The following INTS6 variants were observed in gnomAD, a reference collection of about 807,000 sequenced individuals.
INTS6 encodes integrator complex subunit 6.
INTS6 carries 16 observed loss-of-function variants against 104.9 expected under a neutral mutation model. The ratio of observed to expected loss-of-function variants is 0.15; its 90% CI spans 0.10 to 0.23. The LOEUF is 0.23. Ranked by LOEUF, INTS6 falls within the 10% of genes least tolerant of loss-of-function variation. The probability of loss-of-function intolerance (pLI) is 1.00; values close to 1 mark genes in which losing one functional copy is unlikely to be tolerated. For missense variants in INTS6, 584 were observed against 1,062.8 expected, an observed-to-expected ratio of 0.55 and a Z score of 6.26; for synonymous variants, 324 against 358.7, an observed-to-expected ratio of 0.90 and a Z score of 1.09.
chr13:51,374,917 A>G, intron 13 of INTS6, 121 bp from the exon 14 acceptor site: 4 of 1,012,142 alleles, frequency 4.0e-6, no homozygotes, highest in Non-Finnish European at 4.2e-6. Context: ...AACATATTCT[A>G]AATTTGTTTG....
intron 8 of INTS6, 55 bp downstream of exon 8, chr13:51,383,534 T>G (rs1272647430): frequency 3.1e-6 from 5 of 1,604,034 alleles, no homozygotes; most frequent in Non-Finnish European, 4.3e-6. Context: ...TCAATTCAGC[T>G]TTTTAAGAAA....
chr13:51,422,159 G>A (rs1047253193), intron 4 of INTS6, among the ~76,000 whole-genome samples: 10 of 152,066 alleles, frequency 6.6e-5, no homozygotes, highest in African/African-American at 1.9e-4. Context: ...ATCCTTACAC[G>A]AAAGGTAATG....
chr13:51,353,483 A>C (rs1264599683), downstream of INTS6, among the ~76,000 whole-genome samples: 1 of 152,226 alleles, frequency 6.6e-6, no homozygotes, highest in Non-Finnish European at 1.5e-5. Context: ...CCACGGAGGT[A>C]AAGTAACTAG....
At chr13:51,422,888 G>C in intron 4 of INTS6, 1 of 339,004 alleles carries the variant, frequency 2.9e-6, no homozygotes, top group Non-Finnish European at 5.5e-6. Context: ...TTTGCATACT[G>C]TTTTCTCTTC....
At chr13:51,451,534 A>C (rs1368478416) in intron 2 of INTS6, 5 of 158,914 alleles carry the variant, frequency 3.1e-5, no homozygotes, top group Non-Finnish European at 4.1e-5. Context: ...GACGAATCTG[A>C]CAAGACCAAT....
intron 8 of INTS6, 44 bp from the exon 9 acceptor site, chr13:51,383,505 T>C: frequency 6.2e-7 from 1 of 1,606,224 alleles, no homozygotes; most frequent in Non-Finnish European, 8.5e-7. Flanking sequence ...CTTTAAAGAA[T>C]GTTACATAAA....
chr13:51,450,151 G>C (rs894484387), intron 3 of INTS6: 4 of 984,748 alleles, frequency 4.1e-6, no homozygotes, highest in Non-Finnish European at 4.8e-6. Context: ...TATATAATTA[G>C]GAATAGTGCT....
chr13:51,418,634 T>C (rs534552000), intron 4 of INTS6, among the ~76,000 whole-genome samples: 158 of 152,336 alleles, frequency 1.0e-3, no homozygotes, highest in Non-Finnish European at 1.9e-3. Context: ...TCCTTAGGAA[T>C]ATCCAATGTA....
At chr13:51,344,363 T>TTA in the INTS6 span, 1 of 1,613,594 alleles carries the variant, frequency 6.2e-7, no homozygotes, top group Non-Finnish European at 8.5e-7. Flanking sequence ...GGAACGCCAC[T>TTA]GTCCCCCTGC....
At chr13:51,384,785 C>T (rs977113279) in intron 7 of INTS6, 1 of 437,606 alleles carries the variant, frequency 2.3e-6, no homozygotes, top group Non-Finnish European at 4.6e-6. Context: ...CTAGTTGCTG[C>T]CTTCTGTCAA....
chr13:51,340,554 AG>A, the INTS6 span, among the ~76,000 whole-genome samples: 1 of 152,220 alleles, frequency 6.6e-6, no homozygotes, highest in Non-Finnish European at 1.5e-5. Flanking sequence ...TGGGCCTCAA[AG>A]GTTCAATCAT....
In INTS6 at chr13:51,361,942, C is replaced by T. The variant is rs973737230; in HGVS notation, c.*3810G>A. On this transcript the variant is annotated 3_prime_UTR_variant, in exon 18 of 18. Transcript: ENST00000311234. ...ATTCAGATAATTTATCAGTGTCTCT[C>T]TAGCAACAAGGGCTCATTTGTCCAC... is the stretch of plus-strand genomic sequence containing the variant. The T allele has an allele frequency of 1.3e-5, 21 of 1,611,754 alleles. No individual in the cohort carries two copies. Among genetic ancestry groups the T allele is most frequent in the African/African-American group, 2.7e-5 (2 of 74,734 alleles).
Position 51,376,074 on chromosome 13 carries a change from C to T in INTS6, c.1703G>A (p.Arg568His), listed in dbSNP as rs779812839. ...TTCGTCCTGTCCTTTCAGAAATCTG[C>T]GAGTGCTCTTCAAAAGATTAGATCT... Reference protein sequence around the residue: ...RMRSNLLKSTRRFLKGQDEDQ... With the variant: ...RMRSNLLKSTHRFLKGQDEDQ... The change falls in exon 13 of 18, where the codon CGC becomes CAC. Residue 568 changes from arginine (R) to histidine (H), a missense_variant. By Grantham distance (29) the Arg-to-His change is conservative (BLOSUM62 0). Transcript: ENST00000311234. The T allele has an allele frequency of 4.8e-5, 77 of 1,610,110 alleles. No homozygotes were observed. The Admixed American group carries it at 1.0e-3, about 21-fold the overall frequency.
chr13:51,359,737 C>G (rs980210363), downstream of INTS6, among the ~76,000 whole-genome samples: 1 of 152,058 alleles, frequency 6.6e-6, no homozygotes, highest in African/African-American at 2.4e-5. Context: ...CATGAAGTCT[C>G]GGAGATTAGT....
At position 51,381,498 on chromosome 13, in the gene INTS6, G is replaced by A. The variant is rs141891376; in HGVS notation, c.1275+531C>T. On this transcript the variant is annotated intron_variant, in intron 10 of 17. Transcript: ENST00000311234. ...ATGATGTTGCTTAGGACAGTACCTGGCCTACGTAAGCAGTACATAAATGTT... is the reference window on the plus strand; with the variant it reads ...ATGATGTTGCTTAGGACAGTACCTGACCTACGTAAGCAGTACATAAATGTT... Among the ~76,000 whole-genome samples the A allele has an allele frequency of 1.2e-4, 19 of 152,144 alleles. No homozygotes were observed. In the East Asian group the frequency reaches 3.1e-3, roughly 25 times the overall value.
Position 51,362,527 on chromosome 13 carries a change from T to C in INTS6, c.*3225A>G, listed in dbSNP as rs1955602277. The C allele has an allele frequency of 6.6e-6, 1 of 152,610 alleles. No homozygotes were observed. The highest frequency in any genetic ancestry group is 6.6e-5 in the Admixed American group (1 of 15,206). The allele number at this position is 152,610 out of a possible 1,614,324, so 9.5% of individuals were successfully genotyped here. A position where few individuals can be genotyped will look rare whatever the true frequency, so the allele number is the denominator to read the frequency against. Reference sequence around the variant, plus strand: ...CTTTAGATTATTTCTCTTAATGTTCTTCCTCCCCCACTCACAATTACTTAG... The same window carrying C: ...CTTTAGATTATTTCTCTTAATGTTCCTCCTCCCCCACTCACAATTACTTAG... On this transcript the variant is annotated 3_prime_UTR_variant, in exon 18 of 18. Transcript: ENST00000311234.
At chr13:51,390,129 G>A (rs1214735003) in intron 5 of INTS6, among the ~76,000 whole-genome samples, 3 of 151,794 alleles carry the variant, frequency 2.0e-5, no homozygotes, top group Non-Finnish European at 4.4e-5. Flanking sequence ...AAAGATACCA[G>A]TGAAAAGATC....
At chr13:51,437,983 T>C (rs1952721831) in intron 3 of INTS6, 1 of 152,156 alleles carries the variant, frequency 6.6e-6, no homozygotes, top group African/African-American at 2.4e-5. Flanking sequence ...CCCTCTAGCC[T>C]GGGCGATAGA....
chr13:51,390,697 G>A (rs1956230959), intron 5 of INTS6, among the ~76,000 whole-genome samples: 1 of 151,970 alleles, frequency 6.6e-6, no homozygotes, highest in South Asian at 2.1e-4. Flanking sequence ...TCAGAAAAGA[G>A]AACATTATAG....
Sources: gnomAD v4.1 joint callset for allele counts (sites outside exome capture counted in the v4.1 genomes callset) on GRCh38, gnomAD v4.1.1 for gene constraint, MANE v1.5 for transcripts, NCBI Gene and HGNC (gene_info 2026-07-23, HGNC 2026-07-21) for gene names.